The following ZNF648 variants were observed in gnomAD, a reference collection of about 807,000 sequenced individuals.
ZNF648 encodes zinc finger protein 648.
ZNF648 carries 1 observed loss-of-function variant against 0.3 expected under a neutral mutation model. The observed-to-expected ratio is 3.90, with a 90% confidence interval of 1.39 to 18.51. The LOEUF (loss-of-function observed/expected upper bound fraction) is 18.51. Ranked by LOEUF, ZNF648 falls within the 30% of genes most tolerant of loss-of-function variation. The probability of loss-of-function intolerance (pLI) is 0.11; values close to 1 mark genes in which losing one functional copy is unlikely to be tolerated. For missense variants in ZNF648, 874 were observed against 769.7 expected (o/e 1.14, Z -1.60); for synonymous variants, 376 against 326.8 (o/e 1.15, Z -1.62).
At position 182,057,758 on chromosome 1, in the gene ZNF648, A is replaced by C; in HGVS notation, c.253T>G (p.Ser85Ala). 1 of 1,614,180 alleles carries C rather than the reference A, an allele frequency of 6.2e-7. No individual in the cohort carries two copies. The highest frequency in any genetic ancestry group is 1.1e-5 in the South Asian group (1 of 91,086). The change falls in exon 2 of 2, where the codon TCC becomes GCC. Residue 85 changes from serine (S) to alanine (A), a missense_variant. Coordinates refer to ENST00000339948, the MANE Select transcript of ZNF648 (RefSeq NM_001009992.1). ...TTCTGCCCCATGCCCCCAGCACTGG[A>C]GGAGTCAGAGAATTTCTCTTCCTCT... The part of the protein sequence containing the change: ...GKEEEKFSDS[S>A]SAGGMGQKPV...
At position 182,057,498 on chromosome 1, in the gene ZNF648, T is replaced by A. The variant is rs1419416068; in HGVS notation, c.513A>T (p.Gly171=). 3 of 1,614,246 alleles carry A rather than the reference T, an allele frequency of 1.9e-6. No homozygotes were observed. Among genetic ancestry groups the A allele is most frequent in the Middle Eastern group, 1.6e-4 (1 of 6,062 alleles). The change falls in exon 2 of 2, where the codon GGA becomes GGT. Residue 171 remains glycine (G), a synonymous_variant. Coordinates refer to ENST00000339948, the MANE Select transcript of ZNF648 (RefSeq NM_001009992.1). ...CACTTTTGTGCGCACAGAGATACTTTCCATTGCTGGGGAAGCTGGGTGGGA... is the reference window on the plus strand; with the variant it reads ...CACTTTTGTGCGCACAGAGATACTTACCATTGCTGGGGAAGCTGGGTGGGA... The part of the protein sequence containing the change: ...LDVPPSFPSN[G]KYLCAHKSVD...
upstream of ZNF648, among the ~76,000 whole-genome samples, chr1:182,065,110 G>A (rs527942862): frequency 6.6e-5 from 10 of 152,318 alleles, no homozygotes; most frequent in East Asian, 1.9e-3. Context: ...AGGATACAGA[G>A]CCATAGGCAG....
chr1:182,065,373 C>T (rs1666085275), upstream of ZNF648, among the ~76,000 whole-genome samples: 2 of 152,206 alleles, frequency 1.3e-5, no homozygotes, highest in African/African-American at 4.8e-5. Context: ...TCTCCCTCAG[C>T]CTTGCTGCCC....
In ZNF648 at chr1:182,057,402, C is replaced by T; in HGVS notation, c.609G>A (p.Thr203=). The T allele has an allele frequency of 6.2e-7, 1 of 1,613,836 alleles. No individual in the cohort carries two copies. The highest frequency in any genetic ancestry group is 8.5e-7 in the Non-Finnish European group (1 of 1,180,014). ...PRPGSNWDLP[T]QETHTPAQAS... is the part of the protein sequence containing the mutation. ...CCTGGGCTGGTGTATGTGTCTCTTG[C>T]GTGGGAAGGTCCCAGTTGCTCCCCG... is the stretch of plus-strand genomic sequence containing the variant. The change falls in exon 2 of 2, where the codon ACG becomes ACA. Residue 203 remains threonine, a synonymous_variant. Coordinates refer to ENST00000339948, the MANE Select transcript of ZNF648 (RefSeq NM_001009992.1).
upstream of ZNF648, chr1:182,063,318 C>G (rs1666054976): frequency 6.6e-6 from 1 of 152,216 alleles, no homozygotes; most frequent in Non-Finnish European, 1.5e-5. Flanking sequence ...ACATTCCCAC[C>G]AACAGCGTAA....
rs1665922192 is a variant in ZNF648, at chr1:182,056,777, G to A, written c.1234C>T (p.Arg412Cys). 2 of 1,559,840 alleles carry A rather than the reference G, an allele frequency of 1.3e-6. No individual in the cohort carries two copies. Among genetic ancestry groups the A allele is most frequent in the Non-Finnish European group, 8.7e-7 (1 of 1,152,120 alleles). The change falls in exon 2 of 2, where the codon CGC becomes TGC. Residue 412 changes from arginine to cysteine, a missense_variant. Transcript: ENST00000339948. ...AAGGGCCGCTCGCCCGAGTGCACGC[G>A]CTGGTGCTCCACCATGCGGCTGGCC... ...AVASRMVEHQ[R>C]VHSGERPFPC... is the part of the protein sequence containing the mutation.
Position 182,056,202 on chromosome 1 carries a change from CCG to C in ZNF648, c.*100_*101del. 4 of 1,454,042 alleles carry C rather than the reference CCG, an allele frequency of 2.8e-6. No homozygotes were observed. Among genetic ancestry groups the C allele is most frequent in the Non-Finnish European group, 3.7e-6 (4 of 1,087,932 alleles). The allele number at this position is 1,454,042 out of a possible 1,614,324, so 90.1% of individuals were successfully genotyped here. Reference sequence around the variant, plus strand: ...AATAATCAAATGGACCACTGATGACCCGCGACCTGCTGGGAGGCGAGGCTGAC... The same window carrying C: ...AATAATCAAATGGACCACTGATGACCCGACCTGCTGGGAGGCGAGGCTGAC... On this transcript the variant is annotated 3_prime_UTR_variant, in exon 2 of 2. Coordinates refer to ENST00000339948, the MANE Select transcript of ZNF648 (RefSeq NM_001009992.1).
In ZNF648 at chr1:182,057,264, G is replaced by A. The variant is rs1195779474; in HGVS notation, c.747C>T (p.Pro249=). The A allele has an allele frequency of 2.5e-6, 4 of 1,586,332 alleles. No individual in the cohort carries two copies. The highest frequency in any genetic ancestry group is 2.6e-6 in the Non-Finnish European group (3 of 1,172,362). The part of the protein sequence containing the change: ...RREGGEAEAR[P]YRCLRGGRAF... ...CCCGCCCGCCCCGCAGGCACCTGTA[G>A]GGACGCGCCTCAGCCTCTCCGCCCT... Residue 249 remains proline, a synonymous_variant, in exon 2 of 2, where the codon CCC becomes CCT. Coordinates refer to ENST00000339948, the MANE Select transcript of ZNF648 (RefSeq NM_001009992.1).
chr1:182,060,493 C>G (rs1411997698), intron 1 of ZNF648, among the ~76,000 whole-genome samples: 1 of 152,142 alleles, frequency 6.6e-6, no homozygotes, highest in African/African-American at 2.4e-5. Context: ...ATACAGAAGC[C>G]ATGGATGGAG....
rs1665950192 is a variant in ZNF648, at chr1:182,057,439, C to G, written c.572G>C (p.Cys191Ser). The G allele has an allele frequency of 2.5e-6, 4 of 1,614,104 alleles. No individual in the cohort carries two copies. The highest frequency in any genetic ancestry group is 3.4e-6 in the Non-Finnish European group (4 of 1,180,046). ...CCAGTTGCTCCCCGGCCTGGGGAAA[C>G]ACAACAGAGAAGAGTTCCCTGCGGA... ...DTSAGNSSLL[C>S]FPRPGSNWDL... The change falls in exon 2 of 2, where the codon TGT (cysteine) becomes TCT (serine). Residue 191 changes from cysteine (C) to serine (S), a missense_variant. By Grantham distance (112) the Cys-to-Ser change is moderately radical. Coordinates refer to ENST00000339948, the MANE Select transcript of ZNF648 (RefSeq NM_001009992.1).
In ZNF648 at chr1:182,057,185, C is replaced by G; in HGVS notation, c.826G>C (p.Ala276Pro). Residue 276 changes from alanine to proline, a missense_variant, in exon 2 of 2, where the codon GCC (alanine) becomes CCC (proline). Coordinates refer to ENST00000339948, the MANE Select transcript of ZNF648 (RefSeq NM_001009992.1). ...CATAGCTCGCACGCGTAGCGCTTGG[C>G]GGCGCCGCCGCGCGTCTCCGCGGGG... is the stretch of plus-strand genomic sequence containing the variant. ...LSPAETRGGAAKRYACELCGK... is the reference protein window; with the variant it reads ...LSPAETRGGAPKRYACELCGK... 1 of 1,579,658 alleles carries G rather than the reference C, an allele frequency of 6.3e-7. No individual in the cohort carries two copies. The highest frequency in any genetic ancestry group is 8.6e-7 in the Non-Finnish European group (1 of 1,168,800).
intron 1 of ZNF648, among the ~76,000 whole-genome samples, 197 bp downstream of exon 1, chr1:182,061,371 C>T (rs1368496854): frequency 2.6e-5 from 4 of 152,258 alleles, no homozygotes; most frequent in African/African-American, 7.2e-5. Flanking sequence ...ACTCCCCAAC[C>T]TCATACATCC....
At position 182,058,043 on chromosome 1, in the gene ZNF648, G is replaced by C. The variant is rs779999327; in HGVS notation, c.-33C>G. 1.3e-6 allele frequency: 2 copies of C among 1,556,566 alleles called. No homozygotes were observed. The highest frequency in any genetic ancestry group is 1.7e-6 in the Non-Finnish European group (2 of 1,156,702). ...AGGCGCTTCTATTGCCTACTCCTCT[G>C]AGGAGGAGTATCCTGCTTGGCTCAG... On this transcript the variant is annotated 5_prime_UTR_variant, in exon 2 of 2. Coordinates refer to ENST00000339948, the MANE Select transcript of ZNF648 (RefSeq NM_001009992.1).
chr1:182,060,880 A>G (rs986262692), intron 1 of ZNF648, among the ~76,000 whole-genome samples: 1 of 152,172 alleles, frequency 6.6e-6, no homozygotes, highest in African/African-American at 2.4e-5. Flanking sequence ...CACTGTTCAC[A>G]GATCACTGAC....
chr1:182,056,278 A>C lies in ZNF648; in HGVS notation c.*26T>G, dbSNP rs773034613. 2 of 1,579,488 alleles carry C rather than the reference A, an allele frequency of 1.3e-6. No homozygotes were observed. Among genetic ancestry groups the C allele is most frequent in the South Asian group, 1.2e-5 (1 of 84,908 alleles). On this transcript the variant is annotated 3_prime_UTR_variant, in exon 2 of 2. Coordinates refer to ENST00000339948, the MANE Select transcript of ZNF648 (RefSeq NM_001009992.1). ...GAGTGGGCCCACCTGGGAAGGTTCCAAGTAGTGAGGTCGACGATGCTATCT... is the reference window on the plus strand; with the variant it reads ...GAGTGGGCCCACCTGGGAAGGTTCCCAGTAGTGAGGTCGACGATGCTATCT...
intron 1 of ZNF648, among the ~76,000 whole-genome samples, chr1:182,059,439 A>G (rs1665994467): frequency 6.6e-6 from 1 of 152,214 alleles, no homozygotes; most frequent in Admixed American, 6.5e-5. Flanking sequence ...GGGCCTCTCC[A>G]GGGGGACAAC....
At position 182,056,431 on chromosome 1, in the gene ZNF648, T is replaced by C. The variant is rs1245751627; in HGVS notation, c.1580A>G (p.Asn527Ser). 1.9e-6 allele frequency: 3 copies of C among 1,613,828 alleles called. No individual in the cohort carries two copies. ...CTCACACTGGTAGGGCCTCTCTCCG[T>C]TGTGCATTCGTATGTGCTGGGCCAA... is the stretch of plus-strand genomic sequence containing the variant. ...SELAQHIRMH[N>S]GERPYQCEDC... The change falls in exon 2 of 2, where the codon AAC (asparagine) becomes AGC (serine). Residue 527 changes from asparagine to serine, a missense_variant. By Grantham distance (46) the Asn-to-Ser change is conservative. Coordinates refer to ENST00000339948, the MANE Select transcript of ZNF648 (RefSeq NM_001009992.1).
chr1:182,057,820 T>C lies in ZNF648; in HGVS notation c.191A>G (p.Glu64Gly), dbSNP rs1385881468. 4 of 1,614,222 alleles carry C rather than the reference T, an allele frequency of 2.5e-6. No individual in the cohort carries two copies. Among genetic ancestry groups the C allele is most frequent in the Non-Finnish European group, 3.4e-6 (4 of 1,180,040 alleles). Residue 64 changes from glutamate (E) to glycine (G), a missense_variant, in exon 2 of 2, where the codon GAA (glutamate) becomes GGA (glycine). Physicochemically the swap from Glu to Gly is moderately conservative, Grantham distance 98. Coordinates refer to ENST00000339948, the MANE Select transcript of ZNF648 (RefSeq NM_001009992.1). ...ATGGGGCCATGGCAAGTCAGGATTT[T>C]CGTGTGTTACTGGGGAGCTGCCCCT... ...CPRGSSPVTH[E>G]NPDLPWPHPL...
chr1:182,057,407 G>C lies in ZNF648; in HGVS notation c.604C>G (p.Pro202Ala), dbSNP rs756371522. The C allele has an allele frequency of 6.2e-7, 1 of 1,614,008 alleles. No homozygotes were observed. Among genetic ancestry groups the C allele is most frequent in the South Asian group, 1.1e-5 (1 of 91,088 alleles). ...FPRPGSNWDL[P>A]TQETHTPAQA... ...GCTGGTGTATGTGTCTCTTGCGTGG[G>C]AAGGTCCCAGTTGCTCCCCGGCCTG... is the stretch of plus-strand genomic sequence containing the variant. The change falls in exon 2 of 2, where the codon CCC (proline) becomes GCC (alanine). Residue 202 changes from proline to alanine, a missense_variant. Physicochemically the swap from Pro to Ala is conservative, Grantham distance 27 (BLOSUM62 -1). Coordinates refer to ENST00000339948, the MANE Select transcript of ZNF648 (RefSeq NM_001009992.1).
Sources: allele counts gnomAD v4.1 joint callset (sites outside exome capture counted in the v4.1 genomes callset), GRCh38; gene constraint gnomAD v4.1.1; transcripts MANE v1.5; gene names NCBI Gene and HGNC (gene_info 2026-07-23, HGNC 2026-07-21).